Variants in HYDIN observed in about 807,000 individuals in gnomAD.
The protein encoded by HYDIN is axonemal central pair apparatus protein HYDIN.
Under a neutral mutation model 403.9 loss-of-function variants are expected in HYDIN, and 132 were observed. That is an observed-to-expected ratio of 0.33 (90% CI 0.28 to 0.38). HYDIN has a LOEUF of 0.38. Ranked by LOEUF, HYDIN falls within the 10% of genes least tolerant of loss-of-function variation. HYDIN has a pLI of 1.00. For missense variants in HYDIN, 2,827 were observed against 5,009.5 expected (o/e 0.56, Z 13.15); for synonymous variants, 1,202 against 1,891.7 (o/e 0.64, Z 9.46).
chr16:70,840,151 T>C lies in HYDIN; in HGVS notation c.12956A>G (p.Asn4319Ser). The C allele has an allele frequency of 1.1e-6, 1 of 892,162 alleles. No homozygotes were observed. 55.3% of individuals were successfully genotyped at this position (892,162 alleles called of 1,614,324 possible). A position where few individuals can be genotyped will look rare whatever the true frequency, so the allele number is the denominator to read the frequency against. ...TTGATAGATAAAGCAGGTCCCAAAG[T>C]TGTAGCTGGTGAAGGAGAAATGGAT... The part of the protein sequence containing the change: ...PAIHFSFTSY[N>S]FGTCFIYQAG... Residue 4319 changes from asparagine to serine, a missense_variant, in exon 76 of 86, where the codon AAC becomes AGC. Coordinates refer to ENST00000393567, the MANE Select transcript of HYDIN (RefSeq NM_001270974.2).
rs768973615 is a variant in HYDIN, at chr16:71,186,787, C to T, written c.109G>A (p.Val37Ile). The change falls in exon 2 of 86, where the codon GTT becomes ATT. Residue 37 changes from valine (V) to isoleucine (I), a missense_variant. Transcript: ENST00000393567. ...KVLPPLSPKV[V>I]TEEEVNRMLT... is the part of the protein sequence containing the mutation. The stretch of plus-strand genomic sequence containing the variant: ...ATTCGGTTTACTTCTTCTTCTGTAA[C>T]CACCTTTGGACTCAGGGGTGGCAAA... 1.2e-6 allele frequency: 2 copies of T among 1,613,006 alleles called. No individual in the cohort carries two copies. Among genetic ancestry groups the T allele is most frequent in the African/African-American group, 1.3e-5 (1 of 74,866 alleles).
At chr16:70,989,316 G>T (rs571017907) in intron 25 of HYDIN, among the ~76,000 whole-genome samples, 11 of 152,232 alleles carry the variant, frequency 7.2e-5, no homozygotes, top group Admixed American at 5.9e-4. Flanking sequence ...GGGGTTACAG[G>T]CGTGAACCAC....
chr16:71,176,423 G>C (rs2086674471), intron 4 of HYDIN, among the ~76,000 whole-genome samples: 1 of 152,050 alleles, frequency 6.6e-6, no homozygotes, highest in Non-Finnish European at 1.5e-5. Flanking sequence ...ACTGCTCTGA[G>C]AGAAGTCACA....
intron 9 of HYDIN, among the ~76,000 whole-genome samples, chr16:71,125,963 A>G (rs6499472): frequency 0.81 from 120,938 of 149,114 alleles, 49,796 homozygotes; most frequent in East Asian, 0.96. Context: ...CTGTGTCCAC[A>G]TTCCACAGAA....
At chr16:71,001,660 CT>C (rs1289166895) in intron 23 of HYDIN, among the ~76,000 whole-genome samples, 3 of 150,456 alleles carry the variant, frequency 2.0e-5, no homozygotes, top group African/African-American at 7.3e-5. Flanking sequence ...TCATTTTCCT[CT>C]TGAGTCACAG....
At chr16:71,196,209 C>T (rs894557906) in intron 1 of HYDIN, among the ~76,000 whole-genome samples, 5 of 152,128 alleles carry the variant, frequency 3.3e-5, no homozygotes, top group South Asian at 2.1e-4. Context: ...GACTGGGACA[C>T]GAGATGCCCA....
intron 41 of HYDIN, among the ~76,000 whole-genome samples, chr16:70,950,260 A>AC (rs1322383348): frequency 6.7e-6 from 1 of 150,050 alleles, no homozygotes; most frequent in Admixed American, 6.6e-5. Context: ...TTTTTTATGT[A>AC]CTTTTTTTGA....
intron 1 of HYDIN, chr16:71,204,135 TC>T (rs2088169726): frequency 5.7e-6 from 1 of 175,044 alleles, no homozygotes; most frequent in Non-Finnish European, 1.2e-5. Flanking sequence ...ACATGCATTT[TC>T]TCCAAGTGCT....
At chr16:71,120,891 GA>G in intron 9 of HYDIN, among the ~76,000 whole-genome samples, 1 of 152,212 alleles carries the variant, frequency 6.6e-6, no homozygotes, top group African/African-American at 2.4e-5. Context: ...CTTACATTTA[GA>G]AGAATGATCC....
chr16:71,079,847 C>G (rs766718824), intron 13 of HYDIN, 38 bp downstream of exon 13: 2 of 1,016,220 alleles, frequency 2.0e-6, no homozygotes, highest in Non-Finnish European at 3.1e-6. Flanking sequence ...GAAAAGGAAT[C>G]CTATTCAATT....
rs140304614 is a variant in HYDIN, at chr16:71,107,952, T to C, written c.1327+7744A>G. 2.3e-3 allele frequency among the ~76,000 whole-genome samples: 357 copies of C among 152,134 alleles called. 1 individual carries two copies. The highest frequency in any genetic ancestry group is 8.1e-3 in the African/African-American group (335 of 41,480). Reference sequence around the variant, plus strand: ...TCAATGGTAGACTGGATAAAGAAAATGTGATACATATACACTACAAAATAC... The same window carrying C: ...TCAATGGTAGACTGGATAAAGAAAACGTGATACATATACACTACAAAATAC... On this transcript the variant is annotated intron_variant, in intron 10 of 85. Transcript: ENST00000393567.
intron 18 of HYDIN, among the ~76,000 whole-genome samples, chr16:71,057,689 C>T (rs1246569895): frequency 6.6e-6 from 1 of 151,398 alleles, no homozygotes; most frequent in Non-Finnish European, 1.5e-5. Flanking sequence ...ATTTTCGCAA[C>T]CTACTCATCT....
intron 23 of HYDIN, among the ~76,000 whole-genome samples, chr16:70,995,256 C>T (rs1289256840): frequency 1.3e-5 from 2 of 152,186 alleles, no homozygotes; most frequent in Non-Finnish European, 2.9e-5. Context: ...CAGGTGATTA[C>T]TTTCCTGGTA....
chr16:70,996,864 G>T (rs559878008), intron 23 of HYDIN, among the ~76,000 whole-genome samples: 2 of 152,020 alleles, frequency 1.3e-5, no homozygotes, highest in South Asian at 2.1e-4. Flanking sequence ...GTGGGGTGGT[G>T]GGGGGGATGG....
At chr16:71,225,853 T>C (rs1452159201) in intron 1 of HYDIN, among the ~76,000 whole-genome samples, 1 of 152,116 alleles carries the variant, frequency 6.6e-6, no homozygotes, top group African/African-American at 2.4e-5. Flanking sequence ...AAAACAGAGC[T>C]AACAAAACAT....
At chr16:71,204,764 G>A (rs915351036) in intron 1 of HYDIN, among the ~76,000 whole-genome samples, 1 of 152,050 alleles carries the variant, frequency 6.6e-6, no homozygotes, top group Non-Finnish European at 1.5e-5. Flanking sequence ...CACAGGGTTT[G>A]GCCAGATCAA....
intron 7 of HYDIN, among the ~76,000 whole-genome samples, chr16:71,143,925 T>TAAC (rs2085268804): frequency 6.6e-6 from 1 of 152,244 alleles, no homozygotes; most frequent in South Asian, 2.1e-4. Flanking sequence ...TATTTAATAA[T>TAAC]AACACACCAT....
intron 55 of HYDIN, 61 bp from the exon 56 acceptor site, chr16:70,892,590 G>C (rs907798038): frequency 6.4e-7 from 1 of 1,551,250 alleles, no homozygotes; most frequent in East Asian, 2.3e-5. Flanking sequence ...AGATCCCAGA[G>C]AGGAGACTCT....
intron 41 of HYDIN, among the ~76,000 whole-genome samples, chr16:70,944,320 G>A (rs766218506): frequency 6.6e-6 from 1 of 152,222 alleles, no homozygotes; most frequent in African/African-American, 2.4e-5. Flanking sequence ...ATGGAAGAGA[G>A]AGAAAAGGCC....
Sources: allele counts gnomAD v4.1 joint callset (sites outside exome capture counted in the v4.1 genomes callset), GRCh38; gene constraint gnomAD v4.1.1; transcripts MANE v1.5; gene names NCBI Gene and HGNC (gene_info 2026-07-23, HGNC 2026-07-21).